MCF2L: variants seen among roughly 807,000 people sequenced by gnomAD.
MCF2L encodes the protein guanine nucleotide exchange factor DBS.
In MCF2L, 97 loss-of-function variants were observed where a neutral mutation model predicts 153.4. The observed-to-expected ratio is 0.63, with a 90% CI of 0.54 to 0.75. The LOEUF (loss-of-function observed/expected upper bound fraction) is 0.75, where lower values mean the gene tolerates loss of function less well. Among genes scored for constraint, MCF2L ranks in the 30% least tolerant of loss-of-function variants. The pLI, the probability that MCF2L is intolerant of heterozygous loss-of-function variation, is 0.00. For synonymous variants in MCF2L, 659 were observed against 632.2 expected, an observed-to-expected ratio of 1.04 and a Z score of -0.64; for missense variants, 1,347 against 1,495.2, an observed-to-expected ratio of 0.90 and a Z score of 1.64.
chr13:113,080,734 C>A (rs1045718017), intron 15 of MCF2L, among the ~76,000 whole-genome samples: 1 of 152,202 alleles, frequency 6.6e-6, no homozygotes, highest in South Asian at 2.1e-4. Context: ...GCCAGACCCC[C>A]GCCCTGGCCA....
chr13:113,003,834 T>TTGCCACC (rs1555362743), intron 1 of MCF2L, among the ~76,000 whole-genome samples: 1 of 152,156 alleles, frequency 6.6e-6, no homozygotes, highest in Non-Finnish European at 1.5e-5. Flanking sequence ...TGGAAGGAAC[T>TTGCCACC]TGCCACCTGT....
At chr13:112,949,221 C>T (rs904745876) in intron 2 of MCF2L, among the ~76,000 whole-genome samples, 2 of 152,164 alleles carry the variant, frequency 1.3e-5, no homozygotes, top group African/African-American at 4.8e-5. Flanking sequence ...CATTGAATAG[C>T]CCTATAGCTA....
chr13:113,089,479 C>G lies in MCF2L; in HGVS notation c.2835-131C>G, dbSNP rs548892733. ...TCCGTCCGGGTTTAACTTAGAAACA[C>G]GTGCAGGAGATGCTGCTTTAGGATC... On this transcript the variant is annotated intron_variant, in intron 25 of 29. Transcript: ENST00000535094. The G allele has an allele frequency of 5.2e-4, 348 of 666,894 alleles. 3 individuals carry two copies. The highest frequency in any genetic ancestry group is 2.3e-3 in the South Asian group (128 of 54,780). 41.3% of individuals were successfully genotyped at this position (666,894 alleles called of 1,614,324 possible). A position where few individuals can be genotyped will look rare whatever the true frequency, so the allele number is the denominator to read the frequency against.
At chr13:112,968,877 C>T, upstream of MCF2L, 3 of 836,738 alleles carry the variant, frequency 3.6e-6, no homozygotes, top group Non-Finnish European at 5.1e-6. Flanking sequence ...CCCAGGGGAC[C>T]TCGGCGGTGA....
chr13:112,911,744 C>A (rs770340735), intron 2 of MCF2L, among the ~76,000 whole-genome samples: 2 of 152,260 alleles, frequency 1.3e-5, no homozygotes, highest in Non-Finnish European at 2.9e-5. Context: ...CACACGGATG[C>A]GCTGAGCAGC....
intron 1 of MCF2L, among the ~76,000 whole-genome samples, chr13:112,895,838 C>A (rs1273619249): frequency 6.6e-6 from 1 of 151,898 alleles, no homozygotes; most frequent in Non-Finnish European, 1.5e-5. Context: ...CAGGCGTCCC[C>A]GATTTCACCG....
At chr13:113,029,791 C>A (rs1344573034) in intron 3 of MCF2L, among the ~76,000 whole-genome samples, 1 of 152,176 alleles carries the variant, frequency 6.6e-6, no homozygotes, top group African/African-American at 2.4e-5. Flanking sequence ...CAGGCGGTTC[C>A]CCAGCACGCA....
intron 3 of MCF2L, among the ~76,000 whole-genome samples, chr13:113,041,694 G>A (rs1238332697): frequency 1.3e-5 from 2 of 152,172 alleles, no homozygotes; most frequent in South Asian, 2.1e-4. Context: ...CAGTGTTCCC[G>A]AAATGTGGTA....
chr13:113,055,128 T>C (rs1030732859), intron 4 of MCF2L, among the ~76,000 whole-genome samples: 2 of 152,194 alleles, frequency 1.3e-5, no homozygotes, highest in Admixed American at 6.5e-5. Context: ...TTTGCTGTTA[T>C]ATTTATTCAA....
rs776338234 is a variant in MCF2L, at chr13:113,082,437, C to T, written c.1886C>T (p.Ala629Val). 3.3e-5 allele frequency: 53 copies of T among 1,612,242 alleles called. No individual in the cohort carries two copies. The South Asian group carries it at 4.2e-4, about 13-fold the overall frequency. ...GCGCTCTCCCTGCAGGGCTACGCCG[C>T]GGAGATGGATAACCCACTGATGGCT... ...ELLCVLEGYA[A>V]EMDNPLMAHL... Residue 629 changes from alanine to valine, a missense_variant, in exon 17 of 30, where the codon GCG becomes GTG. Coordinates refer to ENST00000535094, the MANE Select transcript of MCF2L (RefSeq NM_001112732.3).
At chr13:113,007,586 G>T (rs2083790649) in intron 1 of MCF2L, among the ~76,000 whole-genome samples, 2 of 152,258 alleles carry the variant, frequency 1.3e-5, no homozygotes, top group African/African-American at 4.8e-5. Flanking sequence ...TGCATTCCAT[G>T]AACTAGAATT....
intron 2 of MCF2L, among the ~76,000 whole-genome samples, chr13:113,019,438 A>G (rs2084742507): frequency 6.6e-6 from 1 of 152,220 alleles, no homozygotes; most frequent in Admixed American, 6.5e-5. Context: ...CTTCAGCCAC[A>G]GACAGACAGA....
Position 112,969,880 on chromosome 13 carries a change from GA to G in MCF2L, c.79+428del, listed in dbSNP as rs2081981435. Among the ~76,000 whole-genome samples, 1 of 152,170 alleles carries G rather than the reference GA, an allele frequency of 6.6e-6. No homozygotes were observed. The highest frequency in any genetic ancestry group is 1.9e-4 in the East Asian group (1 of 5,200). ...CTACCTGGAAGCTCGTTTTGAGGAT[GA>G]AAAAACCTGGACTAATCAGGTGGTT... On this transcript the variant is annotated intron_variant, in intron 1 of 29. Coordinates refer to ENST00000535094, the MANE Select transcript of MCF2L (RefSeq NM_001112732.3). The surrounding 1 kb of genome is among the most constrained non-coding windows in gnomAD (Gnocchi z 4.8).
intron 4 of MCF2L, among the ~76,000 whole-genome samples, chr13:113,059,612 C>T (rs531956839): frequency 4.6e-5 from 7 of 152,318 alleles, no homozygotes; most frequent in South Asian, 2.1e-4. Context: ...TCTGTCATCG[C>T]GGCTTTTGAG....
At chr13:112,958,981 G>C (rs947957579) in intron 2 of MCF2L, among the ~76,000 whole-genome samples, 1 of 152,206 alleles carries the variant, frequency 6.6e-6, no homozygotes, top group Admixed American at 6.5e-5. Flanking sequence ...GGTCCTGCAG[G>C]AAAAGCAGAG....
intron 1 of MCF2L, among the ~76,000 whole-genome samples, chr13:112,894,746 C>A (rs973941579): frequency 3.3e-5 from 5 of 152,170 alleles, no homozygotes; most frequent in African/African-American, 1.2e-4. Context: ...CCCTCACACC[C>A]CGGCAGGTGT....
chr13:113,016,383 C>T (rs1461704686), intron 2 of MCF2L, among the ~76,000 whole-genome samples: 1 of 152,168 alleles, frequency 6.6e-6, no homozygotes, highest in African/African-American at 2.4e-5. Context: ...GAACCCGGGG[C>T]CTCAACACTG....
chr13:113,023,812 G>T (rs141377116), intron 2 of MCF2L, among the ~76,000 whole-genome samples: 2 of 152,264 alleles, frequency 1.3e-5, no homozygotes, highest in African/African-American at 4.8e-5. Context: ...CTGCAGTCCC[G>T]CACCTCCACC....
At chr13:113,019,323 AC>A (rs1463577692) in intron 2 of MCF2L, among the ~76,000 whole-genome samples, 1 of 151,896 alleles carries the variant, frequency 6.6e-6, no homozygotes, top group Non-Finnish European at 1.5e-5. Flanking sequence ...CAGCCACCAG[AC>A]CCGAAGCTCA....
Sources: allele counts gnomAD v4.1 joint callset (sites outside exome capture counted in the v4.1 genomes callset), GRCh38; gene constraint gnomAD v4.1.1; non-coding constraint Gnocchi (gnomAD v3.1); transcripts MANE v1.5; gene names NCBI Gene and HGNC (gene_info 2026-07-23, HGNC 2026-07-21).